Variants in MMD2 observed in about 807,000 individuals in gnomAD.
MMD2 encodes monocyte to macrophage differentiation associated 2, also known as monocyte to macrophage differentiation factor 2.
In MMD2, 30 loss-of-function variants were observed where a neutral mutation model predicts 33.5. That is an observed-to-expected ratio of 0.90 (90% CI 0.67 to 1.22). The LOEUF (loss-of-function observed/expected upper bound fraction) is 1.22. MMD2 is among the 50% of genes most tolerant of loss of function. The pLI is 0.00. For missense variants in MMD2, 364 were observed against 325.4 expected (o/e 1.12, Z -0.91); for synonymous variants, 129 against 123.0 (o/e 1.05, Z -0.32).
chr7:4,935,677 C>CAAA (rs11337982), intron 1 of MMD2, among the ~76,000 whole-genome samples: 1 of 86,290 alleles, frequency 1.2e-5, no homozygotes, highest in African/African-American at 4.0e-5. Flanking sequence ...GACCCTGTCT[C>CAAA]AAAAAAAAAA....
chr7:4,941,125 A>G (rs548161202), intron 1 of MMD2, among the ~76,000 whole-genome samples: 1 of 152,220 alleles, frequency 6.6e-6, no homozygotes, highest in South Asian at 2.1e-4. Context: ...GTTCGTCCTC[A>G]GCTAGCTCCT....
chr7:4,948,085 C>T (rs911248055), intron 1 of MMD2, among the ~76,000 whole-genome samples: 39 of 152,226 alleles, frequency 2.6e-4, no homozygotes, highest in African/African-American at 8.4e-4. Flanking sequence ...CATGAGAAAC[C>T]GCCCCCATGA....
chr7:4,928,978 T>C (rs1338105861), intron 1 of MMD2, among the ~76,000 whole-genome samples: 2 of 152,232 alleles, frequency 1.3e-5, no homozygotes, highest in African/African-American at 4.8e-5. Context: ...AGCTGTATGC[T>C]AGCATAGTTC....
chr7:4,913,214 G>A (rs962382704), intron 4 of MMD2, among the ~76,000 whole-genome samples: 1 of 152,142 alleles, frequency 6.6e-6, no homozygotes, highest in African/African-American at 2.4e-5. Context: ...CTGGGTAGAA[G>A]GATAGGACGG....
the MMD2 span, among the ~76,000 whole-genome samples, chr7:4,893,771 T>A: frequency 6.6e-6 from 1 of 152,164 alleles, no homozygotes; most frequent in African/African-American, 2.4e-5. Context: ...TTCCCAGAAC[T>A]AAGGGCTCCT....
chr7:4,930,771 G>C (rs1474980349), intron 1 of MMD2, among the ~76,000 whole-genome samples: 1 of 152,202 alleles, frequency 6.6e-6, no homozygotes, highest in Non-Finnish European at 1.5e-5. Flanking sequence ...GCTTTTGTAA[G>C]CCGCTGCTGT....
At chr7:4,904,771 G>T (rs939133379), downstream of MMD2, among the ~76,000 whole-genome samples, 1 of 152,190 alleles carries the variant, frequency 6.6e-6, no homozygotes, top group African/African-American at 2.4e-5. Context: ...CCACAATGCC[G>T]GGGTTATGCT....
Position 4,910,109 on chromosome 7 carries a change from A to G in MMD2, c.468-159T>C, listed in dbSNP as rs1256796669. 5 of 1,528,348 alleles carry G rather than the reference A, an allele frequency of 3.3e-6. No homozygotes were observed. In the African/African-American group the frequency reaches 5.5e-5, roughly 17 times the overall value. 94.7% of individuals were successfully genotyped at this position (1,528,348 alleles called of 1,614,324 possible). A position where few individuals can be genotyped will look rare whatever the true frequency, so the allele number is the denominator to read the frequency against. On this transcript the variant is annotated intron_variant, in intron 5 of 6. Coordinates refer to ENST00000401401, the MANE Select transcript of MMD2 (RefSeq NM_198403.4). ...GCACGCCTTGGCTCAGATTTCACCC[A>G]GCTACATCCAACAGGTGCTGGCAGT... is the stretch of plus-strand genomic sequence containing the variant.
rs1046441056 is a variant in MMD2, at chr7:4,920,235, G to T, written c.226C>A (p.Leu76Ile). The change falls in exon 3 of 7, where the codon CTC (leucine) becomes ATC (isoleucine). Residue 76 changes from leucine (L) to isoleucine (I), a missense_variant. Coordinates refer to ENST00000401401, the MANE Select transcript of MMD2 (RefSeq NM_198403.4). ...GTGGACACCACGAAGAGGCCGCAGA[G>T]GCCGAGGCCGTAGATCCAGGCAGAG... ...TISAWIYGLG[L>I]CGLFVVSTVF... The T allele has an allele frequency of 3.8e-6, 6 of 1,592,090 alleles. No homozygotes were observed. Among genetic ancestry groups the T allele is most frequent in the Non-Finnish European group, 8.5e-7 (1 of 1,170,130 alleles).
intron 1 of MMD2, among the ~76,000 whole-genome samples, chr7:4,941,336 A>G (rs1013870889): frequency 6.6e-6 from 1 of 152,228 alleles, no homozygotes; most frequent in East Asian, 1.9e-4. Context: ...ATAGCAGAAA[A>G]AGGACACTTC....
Position 4,942,284 on chromosome 7 carries a change from T to TCGG in MMD2, c.47+16686_47+16687insCCG, listed in dbSNP as rs1554273046. 2.2e-4 allele frequency among the ~76,000 whole-genome samples: 33 copies of TCGG among 149,060 alleles called. 1 individual carries two copies. The highest frequency in any genetic ancestry group is 7.9e-4 in the African/African-American group (31 of 39,490). On this transcript the variant is annotated intron_variant, in intron 1 of 6. Transcript: ENST00000401401. ...TTTATTTTTATTTTTTCTGTAGAGA[T>TCGG]GGGGGGGGTCTTGCCATGTTGCCCA...
intron 1 of MMD2, among the ~76,000 whole-genome samples, chr7:4,937,462 G>T (rs191008975): frequency 2.1e-4 from 31 of 151,014 alleles, no homozygotes; most frequent in Admixed American, 1.6e-3. Context: ...AAGGAAGGAA[G>T]AAAGAAAGGG....
intron 1 of MMD2, among the ~76,000 whole-genome samples, chr7:4,932,782 C>T (rs1225658604): frequency 2.0e-5 from 3 of 151,976 alleles, no homozygotes; most frequent in Non-Finnish European, 2.9e-5. Context: ...GCCACCACCC[C>T]TGTCTAATTT....
the MMD2 span, among the ~76,000 whole-genome samples, chr7:4,893,363 C>A: frequency 8.8e-6 from 1 of 114,102 alleles, no homozygotes; most frequent in Non-Finnish European, 1.9e-5. Context: ...ATGGTTATTT[C>A]TTTTATTTAT....
At position 4,959,109 on chromosome 7, in the gene MMD2, G is replaced by C. The variant is rs897852071; in HGVS notation, c.-92C>G. 1 of 1,089,740 alleles carries C rather than the reference G, an allele frequency of 9.2e-7. No individual in the cohort carries two copies. The highest frequency in any genetic ancestry group is 1.6e-5 in the African/African-American group (1 of 60,714). The allele number at this position is 1,089,740 out of a possible 1,614,324, so 67.5% of individuals were successfully genotyped here. ...GCGGCGGCGGCAGCAGCAGGTTGGA[G>C]GGCGCGCGGCGGGGGCCAAGGGGAC... On this transcript the variant is annotated 5_prime_UTR_variant, in exon 1 of 7. Transcript: ENST00000401401.
chr7:4,919,135 T>C (rs1203030065), intron 3 of MMD2, among the ~76,000 whole-genome samples: 1 of 151,652 alleles, frequency 6.6e-6, no homozygotes, highest in Non-Finnish European at 1.5e-5. Context: ...ATATCAGGGA[T>C]TCTAGTGCCT....
At chr7:4,921,082 T>C (rs1301452935) in intron 2 of MMD2, among the ~76,000 whole-genome samples, 2 of 152,142 alleles carry the variant, frequency 1.3e-5, no homozygotes, top group Non-Finnish European at 2.9e-5. Context: ...CAGGTCTAGA[T>C]CTTTGATTCA....
downstream of MMD2, among the ~76,000 whole-genome samples, chr7:4,903,318 G>A (rs1784819224): frequency 1.3e-5 from 2 of 152,134 alleles, no homozygotes; most frequent in Non-Finnish European, 2.9e-5. Context: ...CTTCAGTGCT[G>A]TCAACCCCCT....
intron 1 of MMD2, among the ~76,000 whole-genome samples, chr7:4,931,387 AGTT>A: frequency 2.6e-5 from 4 of 151,836 alleles, no homozygotes; most frequent in South Asian, 2.1e-4. Flanking sequence ...TCCTGACCTC[AGTT>A]AATCCTCCCA....
Sources: allele counts gnomAD v4.1 joint callset (sites outside exome capture counted in the v4.1 genomes callset), GRCh38; gene constraint gnomAD v4.1.1; transcripts MANE v1.5; gene names NCBI Gene and HGNC (gene_info 2026-07-23, HGNC 2026-07-21).